The following DOCK8 variants were observed in gnomAD, a reference collection of about 807,000 sequenced individuals.
DOCK8 encodes dedicator of cytokinesis protein 8.
In DOCK8, 141 loss-of-function variants were observed where a neutral mutation model predicts 245.6. The observed-to-expected ratio is 0.57, with a 90% CI of 0.50 to 0.66. The LOEUF is 0.66. Ranked by LOEUF, DOCK8 falls within the 30% of genes least tolerant of loss-of-function variation. DOCK8 has a pLI of 0.00. For synonymous variants in DOCK8, 1,168 were observed against 970.2 expected, an observed-to-expected ratio of 1.20 and a Z score of -3.79; for missense variants, 2,965 against 2,603.4, an observed-to-expected ratio of 1.14 and a Z score of -3.02.
At position 372,204 on chromosome 9, in the gene DOCK8, A is replaced by G. The variant is rs1202718060; in HGVS notation, c.2027A>G (p.Asn676Ser). ...TTTCAGTGGCTGCCAATTCTCTTAA[A>G]TGAACGTCTTCAAACTGGATCCTAC... ...LGYSWLPILLNERLQTGSYCL... is the reference protein window; with the variant it reads ...LGYSWLPILLSERLQTGSYCL... Residue 676 changes from asparagine (N) to serine (S), a missense_variant, in exon 18 of 48, where the codon AAT (asparagine) becomes AGT (serine). This residue lies in a region of DOCK8 where 2,825 missense variants were observed against 2,453.5 expected (regional missense o/e 1.15). Transcript: ENST00000432829. The G allele has an allele frequency of 2.5e-6, 4 of 1,614,120 alleles. No individual in the cohort carries two copies. Among genetic ancestry groups the G allele is most frequent in the South Asian group, 2.2e-5 (2 of 91,086 alleles).
intron 45 of DOCK8, among the ~76,000 whole-genome samples, chr9:450,715 C>G (rs2057400538): frequency 6.6e-6 from 1 of 151,798 alleles, no homozygotes; most frequent in African/African-American, 2.4e-5. Flanking sequence ...CTATTACATT[C>G]CCAAGATCAG....
At chr9:220,972 T>C (rs925120545) in intron 1 of DOCK8, 3 of 200,926 alleles carry the variant, frequency 1.5e-5, no homozygotes, top group African/African-American at 2.4e-5. Context: ...AAAGGCTCTC[T>C]GGGCTCTAGG....
chr9:427,049 T>C (rs150838944), intron 34 of DOCK8, 68 bp downstream of exon 34: 1 of 1,363,794 alleles, frequency 7.3e-7, no homozygotes, highest in African/African-American at 1.4e-5. Flanking sequence ...AGGACTTCTT[T>C]ATGCAAAATT....
chr9:286,453 C>A lies in DOCK8; in HGVS notation c.157-8C>A, dbSNP rs779948997. 1.9e-6 allele frequency: 3 copies of A among 1,613,478 alleles called. No individual in the cohort carries two copies. The highest frequency in any genetic ancestry group is 3.3e-5 in the Admixed American group (2 of 59,982). The stretch of plus-strand genomic sequence containing the variant: ...AGAACCTCCTTTTCCTTTTCCCTGC[C>A]CCTCCAGCCTCAGTTTTATGACCCT... On this transcript the variant is annotated splice_polypyrimidine_tract_variant and splice_region_variant and intron_variant, in intron 2 of 47. Coordinates refer to ENST00000432829, the MANE Select transcript of DOCK8 (RefSeq NM_203447.4).
At chr9:342,967 C>G (rs570774603) in intron 14 of DOCK8, among the ~76,000 whole-genome samples, 1 of 152,284 alleles carries the variant, frequency 6.6e-6, no homozygotes, top group East Asian at 1.9e-4. Flanking sequence ...TACCAGATCA[C>G]AAGTAATACA....
intron 7 of DOCK8, among the ~76,000 whole-genome samples, chr9:317,836 T>C (rs894870586): frequency 1.3e-5 from 2 of 152,212 alleles, no homozygotes; most frequent in African/African-American, 2.4e-5. Context: ...ACCGACTCCC[T>C]AAATATGTTC....
At chr9:313,694 A>T (rs1313943117) in intron 6 of DOCK8, among the ~76,000 whole-genome samples, 1 of 152,224 alleles carries the variant, frequency 6.6e-6, no homozygotes, top group East Asian at 1.9e-4. Context: ...CTGCACAGTG[A>T]CCAGAGTTAA....
intron 1 of DOCK8, among the ~76,000 whole-genome samples, chr9:249,325 C>G (rs1464666016): frequency 2.0e-5 from 3 of 152,190 alleles, no homozygotes; most frequent in African/African-American, 7.2e-5. Context: ...CAAGCCTTAG[C>G]CTACCTCTGA....
intron 1 of DOCK8, among the ~76,000 whole-genome samples, chr9:262,742 T>C (rs2047947439): frequency 6.6e-6 from 1 of 151,642 alleles, no homozygotes; most frequent in Non-Finnish European, 1.5e-5. Context: ...GGTCTATACG[T>C]ATGTCAAAGC....
chr9:262,287 G>C, intron 1 of DOCK8, among the ~76,000 whole-genome samples: 1 of 151,702 alleles, frequency 6.6e-6, no homozygotes. Context: ...GATTATGGGA[G>C]TATACAACCA....
intron 46 of DOCK8, 39 bp from the exon 47 acceptor site, chr9:463,478 A>G (rs1296742973): frequency 1.9e-6 from 3 of 1,612,510 alleles, no homozygotes; most frequent in Admixed American, 1.7e-5. Context: ...AAGCACTTCA[A>G]AGTCATTTAT....
intron 4 of DOCK8, among the ~76,000 whole-genome samples, chr9:292,390 A>AAAG (rs1451775619): frequency 1.3e-5 from 2 of 148,764 alleles, no homozygotes; most frequent in East Asian, 3.9e-4. Context: ...TCCGTCTCAA[A>AAAG]AAAAAAAAAA....
chr9:421,115 C>A, intron 32 of DOCK8, 37 bp downstream of exon 32: 1 of 1,613,132 alleles, frequency 6.2e-7, no homozygotes, highest in Non-Finnish European at 8.5e-7. Flanking sequence ...CTCTGTCAAG[C>A]AGTTTTTCAC....
At chr9:400,841 A>ACCACCT (rs2054966489) in intron 26 of DOCK8, among the ~76,000 whole-genome samples, 1 of 63,190 alleles carries the variant, frequency 1.6e-5, no homozygotes, top group Admixed American at 1.6e-4. Flanking sequence ...CATCACCACC[A>ACCACCT]CCTCCACCAT....
chr9:371,232 C>G (rs2053271934), intron 16 of DOCK8, among the ~76,000 whole-genome samples, 196 bp from the exon 17 acceptor site: 1 of 151,202 alleles, frequency 6.6e-6, no homozygotes, highest in Admixed American at 6.6e-5. Context: ...AGTTCATGAA[C>G]AGTTTTATGT....
At chr9:368,337 C>T (rs1162270238) in intron 15 of DOCK8, 1 of 725,508 alleles carries the variant, frequency 1.4e-6, no homozygotes, top group East Asian at 2.7e-5. Context: ...TCGGCTTATT[C>T]TGTAGTGAGC....
At chr9:405,912 G>A (rs1216683298) in intron 27 of DOCK8, among the ~76,000 whole-genome samples, 1 of 152,172 alleles carries the variant, frequency 6.6e-6, no homozygotes, top group Non-Finnish European at 1.5e-5. Flanking sequence ...ATCCTGCCCA[G>A]CAGCTTAAGT....
rs750221727 is a variant in DOCK8 at position 340,260 on chromosome 9, C to T, written c.1618C>T (p.Pro540Ser). The T allele has an allele frequency of 2.6e-5, 42 of 1,614,022 alleles. No homozygotes were observed. The South Asian group carries it at 4.4e-4, about 17-fold the overall frequency. Residue 540 changes from proline (P) to serine (S), a missense_variant, in exon 14 of 48, where the codon CCG becomes TCG. Transcript: ENST00000432829. Reference sequence around the variant, plus strand: ...ACCCTTTCCTGAAAACCGGACACGCCCGCACAAAGAGATTTTGGAATTTCC... The same window carrying T: ...ACCCTTTCCTGAAAACCGGACACGCTCGCACAAAGAGATTTTGGAATTTCC... ...VKPFPENRTR[P>S]HKEILEFPTR...
At chr9:254,724 G>C (rs530297469) in intron 1 of DOCK8, among the ~76,000 whole-genome samples, 3 of 152,196 alleles carry the variant, frequency 2.0e-5, no homozygotes, top group Non-Finnish European at 4.4e-5. Context: ...TGAGCACCAA[G>C]TATGCATCAC....
Sources: gnomAD v4.1 joint callset for allele counts (sites outside exome capture counted in the v4.1 genomes callset) on GRCh38, gnomAD v4.1.1 for gene constraint, gnomAD v4.1.1 regional missense constraint, MANE v1.5 for transcripts, NCBI Gene and HGNC (gene_info 2026-07-23, HGNC 2026-07-21) for gene names.